SNX24: variants seen among roughly 807,000 people sequenced by gnomAD.
SNX24 encodes the protein sorting nexin-24.
In SNX24, 22 loss-of-function variants were observed where a neutral mutation model predicts 28.7. The ratio of observed to expected loss-of-function variants is 0.77; its 90% CI spans 0.55 to 1.10. The LOEUF (loss-of-function observed/expected upper bound fraction) is 1.10. Ranked by LOEUF, SNX24 falls within the 50% of genes least tolerant of loss-of-function variation. SNX24 has a pLI of 0.00. For missense variants in SNX24, 221 were observed against 201.1 expected, an observed-to-expected ratio of 1.10 and a Z score of -0.60; for synonymous variants, 69 against 71.5, an observed-to-expected ratio of 0.96 and a Z score of 0.18.
chr5:122,912,680 C>T (rs575984106), intron 1 of SNX24, among the ~76,000 whole-genome samples: 4 of 148,968 alleles, frequency 2.7e-5, no homozygotes, highest in African/African-American at 7.4e-5. Flanking sequence ...TAGCATGAAG[C>T]GTTGTTGAAT....
At chr5:122,926,813 A>G (rs1002176797) in intron 1 of SNX24, among the ~76,000 whole-genome samples, 1 of 152,212 alleles carries the variant, frequency 6.6e-6, no homozygotes, top group Non-Finnish European at 1.5e-5. Context: ...AGGCCTCATC[A>G]GGAATCCAGG....
chr5:122,903,170 G>A (rs570352879), intron 1 of SNX24, among the ~76,000 whole-genome samples: 1 of 151,844 alleles, frequency 6.6e-6, no homozygotes, highest in Non-Finnish European at 1.5e-5. Flanking sequence ...GCAGTGGCAC[G>A]ATCGTGGCTC....
At chr5:122,935,218 T>C (rs539009683) in intron 1 of SNX24, among the ~76,000 whole-genome samples, 217 of 152,310 alleles carry the variant, frequency 1.4e-3, no homozygotes, top group Middle Eastern at 3.4e-3. Context: ...CTGGGACTGA[T>C]AGTAAAAAAG....
At chr5:122,970,386 C>T (rs558141214) in intron 3 of SNX24, among the ~76,000 whole-genome samples, 14 of 152,150 alleles carry the variant, frequency 9.2e-5, no homozygotes, top group Admixed American at 3.3e-4. Flanking sequence ...TGATAACTAC[C>T]TACCGAAAAC....
downstream of SNX24, among the ~76,000 whole-genome samples, chr5:123,010,755 T>C (rs1762558285): frequency 6.6e-6 from 1 of 152,212 alleles, no homozygotes; most frequent in Non-Finnish European, 1.5e-5. Flanking sequence ...GAGTAATATT[T>C]CATCTACATA....
At chr5:122,885,986 C>G (rs557237517) in intron 1 of SNX24, among the ~76,000 whole-genome samples, 1 of 73,388 alleles carries the variant, frequency 1.4e-5, no homozygotes, top group Non-Finnish European at 2.3e-5. Context: ...CTGATCCGAC[C>G]TGCTGTGTGG....
In SNX24 at chr5:122,999,826, C is replaced by T. The variant is rs989939238; in HGVS notation, c.250-86C>T. 1.3e-5 allele frequency: 11 copies of T among 823,522 alleles called. 1 individual carries two copies. The highest frequency in any genetic ancestry group is 4.5e-4 in the Middle Eastern group (2 of 4,464). The allele number at this position is 823,522 out of a possible 1,614,324, so 51.0% of individuals were successfully genotyped here. A position where few individuals can be genotyped will look rare whatever the true frequency, so the allele number is the denominator to read the frequency against. Reference sequence around the variant, plus strand: ...TGTTGCTGGTAAGAACTTTGATGGACGGTTATGACTTTTTGAAATAGTTCA... The same window carrying T: ...TGTTGCTGGTAAGAACTTTGATGGATGGTTATGACTTTTTGAAATAGTTCA... On this transcript the variant is annotated intron_variant, in intron 3 of 6. Coordinates refer to ENST00000261369, the MANE Select transcript of SNX24 (RefSeq NM_014035.4).
intron 1 of SNX24, among the ~76,000 whole-genome samples, chr5:122,882,062 C>T (rs1581701065): frequency 6.6e-6 from 1 of 151,692 alleles, no homozygotes; most frequent in African/African-American, 2.4e-5. Flanking sequence ...GTGATCCTCT[C>T]ACCTTGACCT....
At chr5:122,857,060 G>A (rs758921858) in intron 1 of SNX24, among the ~76,000 whole-genome samples, 9 of 151,574 alleles carry the variant, frequency 5.9e-5, no homozygotes, top group Non-Finnish European at 1.2e-4. Context: ...TGCCCAGGCT[G>A]GAGTGCAATG....
At chr5:122,848,092 A>T (rs931445729) in intron 1 of SNX24, among the ~76,000 whole-genome samples, 3 of 152,022 alleles carry the variant, frequency 2.0e-5, no homozygotes, top group African/African-American at 7.2e-5. Context: ...TACTTTAGCG[A>T]TTATGTTTGT....
At chr5:123,002,232 GTAA>G in intron 6 of SNX24, 2 of 556,148 alleles carry the variant, frequency 3.6e-6, no homozygotes. Context: ...TTGAATTAGA[GTAA>G]TAAGGAAGAA....
At chr5:122,964,659 A>T (rs1175276608) in intron 3 of SNX24, among the ~76,000 whole-genome samples, 1 of 152,110 alleles carries the variant, frequency 6.6e-6, no homozygotes, top group African/African-American at 2.4e-5. Flanking sequence ...GAAATTTTCA[A>T]TATATAAAAA....
intron 3 of SNX24, among the ~76,000 whole-genome samples, chr5:122,980,372 G>T (rs1036455000): frequency 1.3e-5 from 2 of 151,978 alleles, no homozygotes; most frequent in Non-Finnish European, 2.9e-5. Flanking sequence ...ATGTTTTATT[G>T]TATGCTATTT....
At chr5:122,868,788 A>G (rs1385327889) in intron 1 of SNX24, among the ~76,000 whole-genome samples, 1 of 152,090 alleles carries the variant, frequency 6.6e-6, no homozygotes. Flanking sequence ...CACTCAGCCT[A>G]TAGGATTAAA....
intron 3 of SNX24, among the ~76,000 whole-genome samples, chr5:122,967,488 G>C (rs1225885521): frequency 6.6e-6 from 1 of 152,182 alleles, no homozygotes; most frequent in African/African-American, 2.4e-5. Context: ...TCTCACTAGC[G>C]TGTCTCCAAG....
At chr5:122,890,384 T>C (rs1278969295) in intron 1 of SNX24, among the ~76,000 whole-genome samples, 1 of 152,122 alleles carries the variant, frequency 6.6e-6, no homozygotes, top group Non-Finnish European at 1.5e-5. Context: ...GTTTTTTGCC[T>C]AAGTTTTTAC....
chr5:123,001,524 T>C, intron 5 of SNX24, 87 bp downstream of exon 5: 2 of 972,590 alleles, frequency 2.1e-6, no homozygotes, highest in Non-Finnish European at 3.2e-6. Context: ...GTTATGTTTT[T>C]CTTAAGAACC....
chr5:122,963,698 G>A (rs943740768), intron 3 of SNX24, among the ~76,000 whole-genome samples: 4 of 152,104 alleles, frequency 2.6e-5, no homozygotes, highest in African/African-American at 7.2e-5. Context: ...CTTTTGTAGT[G>A]TGTTTCACTT....
At chr5:122,945,293 A>C (rs1457221452) in intron 2 of SNX24, among the ~76,000 whole-genome samples, 1 of 152,160 alleles carries the variant, frequency 6.6e-6, no homozygotes, top group Non-Finnish European at 1.5e-5. Context: ...GAATCTTCCC[A>C]TTTTAAGACC....
Sources: allele counts gnomAD v4.1 joint callset (sites outside exome capture counted in the v4.1 genomes callset), GRCh38; gene constraint gnomAD v4.1.1; transcripts MANE v1.5; gene names NCBI Gene and HGNC (gene_info 2026-07-23, HGNC 2026-07-21).